RORA: variants seen among roughly 807,000 people sequenced by gnomAD.
The protein encoded by RORA is nuclear receptor ROR-alpha.
In RORA, 7 loss-of-function variants were observed where a neutral mutation model predicts 69.5. That is an observed-to-expected ratio of 0.10 (90% CI 0.06 to 0.19). The LOEUF is 0.19. RORA is among the 10% of genes least tolerant of loss of function. The pLI is 1.00. For synonymous variants in RORA, 261 were observed against 240.8 expected (o/e 1.08, Z -0.78); for missense variants, 457 against 663.0 (o/e 0.69, Z 3.41).
At chr15:60,734,596 C>T (rs1402633311) in intron 1 of RORA, among the ~76,000 whole-genome samples, 2 of 152,128 alleles carry the variant, frequency 1.3e-5, no homozygotes, top group East Asian at 3.8e-4. Context: ...CATAATGGCC[C>T]ACTGTTAGAT....
rs553163260 is a variant in RORA at position 61,173,469 on chromosome 15, C to T, written c.166+55584G>A. ...AGCACATAAAATAGTTTCAGGCAACCCATTCAGGTCTTCATGGACCCCTAG... is the reference window on the plus strand; with the variant it reads ...AGCACATAAAATAGTTTCAGGCAACTCATTCAGGTCTTCATGGACCCCTAG... On this transcript the variant is annotated intron_variant, in intron 1 of 10. Coordinates refer to ENST00000335670, the MANE Select transcript of RORA (RefSeq NM_134261.3). Among the ~76,000 whole-genome samples the T allele has an allele frequency of 3.7e-4, 56 of 152,280 alleles. 3 individuals are homozygous for T. The South Asian group carries it at 0.011, about 30-fold the overall frequency.
intron 1 of RORA, among the ~76,000 whole-genome samples, chr15:60,715,869 C>T (rs2071212348): frequency 6.6e-6 from 1 of 152,156 alleles, no homozygotes; most frequent in Non-Finnish European, 1.5e-5. Flanking sequence ...TTAAAATTCA[C>T]AGTTGGGAGA....
At position 61,037,594 on chromosome 15, in the gene RORA, G is replaced by A. The variant is rs545449164; in HGVS notation, c.166+191459C>T. ...ATCCCATTCAACACCAGTCTAGGAA[G>A]AGATGACCTTGGAATGCAGATCCAG... On this transcript the variant is annotated intron_variant, in intron 1 of 10. Coordinates refer to ENST00000335670, the MANE Select transcript of RORA (RefSeq NM_134261.3). Among the ~76,000 whole-genome samples the A allele has an allele frequency of 5.8e-4, 89 of 152,302 alleles. No individual in the cohort carries two copies. Among genetic ancestry groups the A allele is most frequent in the Admixed American group, 1.2e-3 (19 of 15,302 alleles).
intron 1 of RORA, among the ~76,000 whole-genome samples, chr15:60,820,713 C>T (rs929028207): frequency 2.6e-5 from 4 of 152,260 alleles, no homozygotes; most frequent in East Asian, 1.9e-4. Flanking sequence ...TCCCCTAAAC[C>T]GTAAAAACGG....
intron 2 of RORA, among the ~76,000 whole-genome samples, chr15:60,542,499 C>T (rs1207009047): frequency 4.2e-5 from 6 of 143,824 alleles, no homozygotes; most frequent in Non-Finnish European, 9.0e-5. Context: ...ACACGGCACA[C>T]AGGCACATCT....
intron 1 of RORA, among the ~76,000 whole-genome samples, chr15:60,816,989 T>C (rs77001414): frequency 0.081 from 12,301 of 152,204 alleles, 691 homozygotes; most frequent in African/African-American, 0.13. Context: ...TATTATTTTC[T>C]ACCCTTAAAA....
At chr15:61,060,615 A>C (rs770252349) in intron 1 of RORA, among the ~76,000 whole-genome samples, 23 of 152,140 alleles carry the variant, frequency 1.5e-4, no homozygotes, top group Non-Finnish European at 2.8e-4. Flanking sequence ...CACTGGGGTG[A>C]GGTTCTAGCT....
intron 1 of RORA, among the ~76,000 whole-genome samples, chr15:61,110,166 A>C (rs1479078797): frequency 1.3e-5 from 2 of 152,208 alleles, no homozygotes; most frequent in Non-Finnish European, 2.9e-5. Flanking sequence ...TGGGAGGCCA[A>C]GGTGGGCGGA....
chr15:61,036,189 T>C (rs564927990), intron 1 of RORA, among the ~76,000 whole-genome samples: 2 of 152,186 alleles, frequency 1.3e-5, no homozygotes, highest in East Asian at 3.9e-4. Flanking sequence ...CCAGGGAAAA[T>C]TCCCGCAAGG....
At chr15:60,780,633 G>A (rs938401729) in intron 1 of RORA, among the ~76,000 whole-genome samples, 1 of 152,196 alleles carries the variant, frequency 6.6e-6, no homozygotes, top group Non-Finnish European at 1.5e-5. Flanking sequence ...TGAGCACAAT[G>A]AGGGATTCTA....
At chr15:60,895,690 A>C (rs1220400816) in intron 1 of RORA, among the ~76,000 whole-genome samples, 1 of 152,132 alleles carries the variant, frequency 6.6e-6, no homozygotes, top group Non-Finnish European at 1.5e-5. Context: ...GCTGGAAATA[A>C]CTCTTTACAG....
intron 1 of RORA, among the ~76,000 whole-genome samples, chr15:60,858,877 A>G (rs1595771478): frequency 6.6e-6 from 1 of 152,112 alleles, no homozygotes; most frequent in East Asian, 1.9e-4. Context: ...CCACATCTCA[A>G]ACGCTCTAAT....
intron 1 of RORA, among the ~76,000 whole-genome samples, chr15:60,718,945 T>A (rs2071255070): frequency 1.3e-5 from 2 of 152,158 alleles, no homozygotes; most frequent in African/African-American, 4.8e-5. Context: ...CAGGCTCCCG[T>A]GCCGTTCTGA....
At chr15:60,877,306 C>T (rs2073628570) in intron 1 of RORA, among the ~76,000 whole-genome samples, 1 of 152,138 alleles carries the variant, frequency 6.6e-6, no homozygotes, top group African/African-American at 2.4e-5. Context: ...CTTTCACCTG[C>T]TTGGTGTGGT....
rs73430060 is a variant in RORA, at chr15:60,870,798, A to G, written c.167-192112T>C. On this transcript the variant is annotated intron_variant, in intron 1 of 10. Coordinates refer to ENST00000335670, the MANE Select transcript of RORA (RefSeq NM_134261.3). Reference sequence around the variant, plus strand: ...CTCACTAGTCACATATGGGTCACTTATAGAGTTGTTTAACTGTCCCTGTGA... The same window carrying G: ...CTCACTAGTCACATATGGGTCACTTGTAGAGTTGTTTAACTGTCCCTGTGA... Among the ~76,000 whole-genome samples the G allele has an allele frequency of 2.3e-3, 350 of 152,354 alleles. 3 individuals carry two copies. The highest frequency in any genetic ancestry group is 8.1e-3 in the African/African-American group (338 of 41,582).
intron 1 of RORA, among the ~76,000 whole-genome samples, chr15:61,104,788 C>A (rs142664847): frequency 6.6e-6 from 1 of 152,250 alleles, no homozygotes; most frequent in East Asian, 1.9e-4. Context: ...GTGTCCCACC[C>A]AAATCTCATC....
intron 1 of RORA, among the ~76,000 whole-genome samples, chr15:61,142,960 A>T (rs1484384899): frequency 1.3e-5 from 2 of 152,182 alleles, no homozygotes; most frequent in African/African-American, 4.8e-5. Flanking sequence ...AAGAATGGTC[A>T]TTGCCAATAC....
intron 1 of RORA, among the ~76,000 whole-genome samples, chr15:60,791,106 C>T (rs11637041): frequency 0.13 from 19,490 of 151,840 alleles, 1,587 homozygotes; most frequent in East Asian, 0.43. Context: ...TAGAATCAAA[C>T]GTACATAAAA....
chr15:60,800,993 T>C (rs2072572316), intron 1 of RORA, among the ~76,000 whole-genome samples: 2 of 152,258 alleles, frequency 1.3e-5, no homozygotes, highest in Admixed American at 6.5e-5. Flanking sequence ...GATTGCTGCA[T>C]GCCTATTAAA....
Sources: allele counts gnomAD v4.1 joint callset (sites outside exome capture counted in the v4.1 genomes callset), GRCh38; gene constraint gnomAD v4.1.1; transcripts MANE v1.5; gene names NCBI Gene and HGNC (gene_info 2026-07-23, HGNC 2026-07-21).